The following AKAP19 variants were observed in gnomAD, a reference collection of about 807,000 sequenced individuals.
AKAP19 encodes A-kinase anchoring protein 19.
At chr2:189,897,619 T>C in the AKAP19 span, among the ~76,000 whole-genome samples, 1 of 152,198 alleles carries the variant, frequency 6.6e-6, no homozygotes, top group Non-Finnish European at 1.5e-5. Flanking sequence ...TACAAATCTA[T>C]TTTGGAAATA....
At chr2:190,160,007 G>A in the AKAP19 span, among the ~76,000 whole-genome samples, 1 of 152,154 alleles carries the variant, frequency 6.6e-6, no homozygotes, top group African/African-American at 2.4e-5. Context: ...TAGTATTTCA[G>A]TGTAGAGTTG....
the AKAP19 span, among the ~76,000 whole-genome samples, chr2:190,185,574 A>T: frequency 6.6e-6 from 1 of 152,224 alleles, no homozygotes; most frequent in Non-Finnish European, 1.5e-5. Context: ...CATAAATAGG[A>T]GTGGCCAGAT....
At chr2:190,198,324 G>A in the AKAP19 span, among the ~76,000 whole-genome samples, 1 of 152,134 alleles carries the variant, frequency 6.6e-6, no homozygotes, top group Non-Finnish European at 1.5e-5. Flanking sequence ...TGAATTAGAT[G>A]CACGCAAGCT....
At chr2:190,155,561 C>T in the AKAP19 span, among the ~76,000 whole-genome samples, 156 of 152,250 alleles carry the variant, frequency 1.0e-3, no homozygotes, top group African/African-American at 3.7e-3. Flanking sequence ...GCAGCCTGGA[C>T]TTGACCAGGA....
the AKAP19 span, chr2:189,879,605 C>T: frequency 2.6e-5 from 4 of 152,298 alleles, no homozygotes; most frequent in African/African-American, 9.6e-5. Flanking sequence ...CTTACAACAG[C>T]CCCAGCACCA....
At chr2:189,996,062 G>C in the AKAP19 span, among the ~76,000 whole-genome samples, 2 of 152,136 alleles carry the variant, frequency 1.3e-5, no homozygotes, top group Non-Finnish European at 2.9e-5. Context: ...ATAACCTGAT[G>C]ACTATGTGCC....
the AKAP19 span, among the ~76,000 whole-genome samples, chr2:189,997,870 C>T: frequency 2.0e-5 from 3 of 152,176 alleles, no homozygotes; most frequent in Non-Finnish European, 4.4e-5. Flanking sequence ...GTTTCTTTCA[C>T]CCTGCATACC....
At chr2:189,893,996 A>G in the AKAP19 span, among the ~76,000 whole-genome samples, 11 of 152,180 alleles carry the variant, frequency 7.2e-5, no homozygotes, top group South Asian at 2.1e-4. Context: ...ATCTATCTGC[A>G]TACATTATAG....
At chr2:189,948,045 T>C in the AKAP19 span, among the ~76,000 whole-genome samples, 1 of 152,158 alleles carries the variant, frequency 6.6e-6, no homozygotes, top group Non-Finnish European at 1.5e-5. Flanking sequence ...GTATAATAAG[T>C]ACATTTGTTT....
chr2:190,174,298 C>A, the AKAP19 span, among the ~76,000 whole-genome samples: 4 of 152,216 alleles, frequency 2.6e-5, no homozygotes. Flanking sequence ...CTTGGTGGCA[C>A]TGAGCATTTA....
chr2:189,905,752 C>T, the AKAP19 span, among the ~76,000 whole-genome samples: 12 of 151,984 alleles, frequency 7.9e-5, no homozygotes, highest in Non-Finnish European at 7.4e-5. Flanking sequence ...GAATTTCTCT[C>T]TAGAGTTTAC....
the AKAP19 span, among the ~76,000 whole-genome samples, chr2:189,880,043 C>T: frequency 6.6e-6 from 1 of 152,082 alleles, no homozygotes. Context: ...TTCAGATGAA[C>T]GGATTTTTGT....
chr2:189,960,118 A>G, the AKAP19 span, among the ~76,000 whole-genome samples: 2 of 152,174 alleles, frequency 1.3e-5, no homozygotes, highest in African/African-American at 4.8e-5. Flanking sequence ...TCTTTGTTAC[A>G]TATCACGTGT....
At chr2:189,905,391 C>T in the AKAP19 span, among the ~76,000 whole-genome samples, 1 of 151,918 alleles carries the variant, frequency 6.6e-6, no homozygotes, top group Non-Finnish European at 1.5e-5. Flanking sequence ...AAGGATGTAA[C>T]AAGAAGTATG....
the AKAP19 span, among the ~76,000 whole-genome samples, chr2:190,144,186 G>GAA: frequency 4.8e-5 from 7 of 145,402 alleles, no homozygotes; most frequent in South Asian, 2.2e-4. Context: ...GAAAAGAAAA[G>GAA]AAAAAAAATA....
the AKAP19 span, among the ~76,000 whole-genome samples, chr2:190,142,390 T>C: frequency 6.6e-6 from 1 of 152,218 alleles, no homozygotes; most frequent in Admixed American, 6.5e-5. Flanking sequence ...TAAATGAAGT[T>C]ATATTCACAT....
the AKAP19 span, among the ~76,000 whole-genome samples, chr2:190,065,080 C>T: frequency 6.6e-6 from 1 of 152,110 alleles, no homozygotes; most frequent in Admixed American, 6.6e-5. Context: ...TTTGTTTCAG[C>T]TCTCATACTA....
the AKAP19 span, among the ~76,000 whole-genome samples, chr2:189,990,987 T>A: frequency 6.6e-6 from 1 of 152,208 alleles, no homozygotes; most frequent in Non-Finnish European, 1.5e-5. Flanking sequence ...AGAATAATGG[T>A]CTCCAACTCC....
chr2:190,036,826 T>A, the AKAP19 span, among the ~76,000 whole-genome samples: 1 of 152,214 alleles, frequency 6.6e-6, no homozygotes, highest in Non-Finnish European at 1.5e-5. Flanking sequence ...AAGTTAAAAC[T>A]GCTGAAATAG....
Sources: gnomAD v4.1 joint callset for allele counts (sites outside exome capture counted in the v4.1 genomes callset) on GRCh38, gnomAD v4.1.1 for gene constraint, MANE v1.5 for transcripts, NCBI Gene and HGNC (gene_info 2026-07-23, HGNC 2026-07-21) for gene names.